The following HTRA3 variants were observed in gnomAD, a reference collection of about 807,000 sequenced individuals.
The protein encoded by HTRA3 is serine protease HTRA3.
In HTRA3, 41 loss-of-function variants were observed where a neutral mutation model predicts 43.2. The observed-to-expected ratio is 0.95, with a 90% CI of 0.74 to 1.23. HTRA3 has a LOEUF of 1.23. HTRA3 is among the 50% of genes most tolerant of loss of function. The pLI is 0.00. For missense variants in HTRA3, 628 were observed against 647.1 expected, an observed-to-expected ratio of 0.97 and a Z score of 0.32; for synonymous variants, 295 against 287.9, an observed-to-expected ratio of 1.02 and a Z score of -0.25.
intron 6 of HTRA3, among the ~76,000 whole-genome samples, chr4:8,301,302 TATTG>T (rs1427808100): frequency 2.0e-5 from 3 of 148,674 alleles, no homozygotes; most frequent in African/African-American, 5.2e-5. Flanking sequence ...TCATCTTTAT[TATTG>T]ATTCACACTC....
rs1023183447 is a variant in HTRA3 at position 8,307,010 on chromosome 4, GC to G, written c.*875del. Reference sequence around the variant, plus strand: ...CCAGGGAACGAGTGTGTCTCAAGGGGCATTTGTGAGCTTTGCTGTAAATGGA... The same window carrying G: ...CCAGGGAACGAGTGTGTCTCAAGGGGATTTGTGAGCTTTGCTGTAAATGGA... On this transcript the variant is annotated 3_prime_UTR_variant, in exon 9 of 9. Coordinates refer to ENST00000307358, the MANE Select transcript of HTRA3 (RefSeq NM_053044.5). This position sits in a 1 kb window ranked among gnomAD's most constrained non-coding sequence, Gnocchi z 6.1. 5 of 152,838 alleles carry G rather than the reference GC, an allele frequency of 3.3e-5. No homozygotes were observed. The highest frequency in any genetic ancestry group is 1.2e-4 in the African/African-American group (5 of 41,574). The allele number at this position is 152,838 out of a possible 1,614,324, so 9.5% of individuals were successfully genotyped here.
At chr4:8,281,135 G>A (rs1160369656) in intron 1 of HTRA3, among the ~76,000 whole-genome samples, 1 of 152,222 alleles carries the variant, frequency 6.6e-6, no homozygotes, top group Non-Finnish European at 1.5e-5. Context: ...GAATTGGGAT[G>A]TGCCTGGGGA....
chr4:8,280,956 G>A (rs1475258630), intron 1 of HTRA3, among the ~76,000 whole-genome samples: 1 of 152,184 alleles, frequency 6.6e-6, no homozygotes, highest in African/African-American at 2.4e-5. Context: ...GGCAGAGGTG[G>A]GGGCACCCAG....
intron 1 of HTRA3, among the ~76,000 whole-genome samples, chr4:8,275,262 C>T (rs1712471975): frequency 6.6e-6 from 1 of 152,196 alleles, no homozygotes; most frequent in South Asian, 2.1e-4. Context: ...GTGGTCTTCC[C>T]CCGACAGGCC....
intron 8 of HTRA3, among the ~76,000 whole-genome samples, chr4:8,305,161 T>C (rs1560144816): frequency 6.6e-6 from 1 of 152,176 alleles, no homozygotes; most frequent in East Asian, 1.9e-4. Context: ...CACATATAAG[T>C]GGACCCACAC....
At chr4:8,284,974 C>G (rs1307249813) in intron 2 of HTRA3, among the ~76,000 whole-genome samples, 1 of 152,142 alleles carries the variant, frequency 6.6e-6, no homozygotes, top group Non-Finnish European at 1.5e-5. Context: ...TGTCAAGGTC[C>G]TAATCAAGCA....
intron 3 of HTRA3, among the ~76,000 whole-genome samples, chr4:8,290,476 G>A (rs796683349): frequency 6.6e-6 from 1 of 152,314 alleles, no homozygotes; most frequent in African/African-American, 2.4e-5. Context: ...GCAGATCCAC[G>A]GGAAGCTACA....
At chr4:8,272,863 G>A (rs976218103) in intron 1 of HTRA3, among the ~76,000 whole-genome samples, 6 of 152,232 alleles carry the variant, frequency 3.9e-5, no homozygotes, top group African/African-American at 1.4e-4. Context: ...GTGGGAGGCT[G>A]CTGGCCATCT....
rs553439700 is a variant in HTRA3 at position 8,280,708 on chromosome 4, GT to G, written c.386-1726del. Among the ~76,000 whole-genome samples, 196 of 150,648 alleles carry G rather than the reference GT, an allele frequency of 1.3e-3. 1 individual carries two copies. Among genetic ancestry groups the G allele is most frequent in the African/African-American group, 4.7e-3 (191 of 41,036 alleles). ...CCTGAGACCCCGCTCTGCCGCAGTG[GT>G]TTGATCTATGAGGAGCCTCGCGGTG... On this transcript the variant is annotated intron_variant, in intron 1 of 8. Transcript: ENST00000307358.
chr4:8,292,058 C>T (rs756350394), intron 4 of HTRA3, among the ~76,000 whole-genome samples: 2 of 152,134 alleles, frequency 1.3e-5, no homozygotes, highest in Admixed American at 6.5e-5. Flanking sequence ...ATGCACCAGG[C>T]GGTGCTGCCT....
At chr4:8,280,646 C>A (rs2153004484) in intron 1 of HTRA3, among the ~76,000 whole-genome samples, 1 of 152,274 alleles carries the variant, frequency 6.6e-6, no homozygotes, top group African/African-American at 2.4e-5. Flanking sequence ...CCACAGCAGG[C>A]CCTGCCCCTG....
At position 8,293,317 on chromosome 4, in the gene HTRA3, G is replaced by T. The variant is rs1560140689; in HGVS notation, c.937-770G>T. 2.0e-5 allele frequency among the ~76,000 whole-genome samples: 3 copies of T among 152,202 alleles called. 1 individual carries two copies. On this transcript the variant is annotated intron_variant, in intron 5 of 8. Coordinates refer to ENST00000307358, the MANE Select transcript of HTRA3 (RefSeq NM_053044.5). Reference sequence around the variant, plus strand: ...CCGCATGGTCCAGGCAGTAGAGATGGGCACAGAGGGCCGAGGGTGGACACA... The same window carrying T: ...CCGCATGGTCCAGGCAGTAGAGATGTGCACAGAGGGCCGAGGGTGGACACA...
chr4:8,270,437 C>T, intron 1 of HTRA3, 84 bp downstream of exon 1: 2 of 1,332,810 alleles, frequency 1.5e-6, no homozygotes, highest in African/African-American at 3.1e-5. Context: ...AGCTCGAGGT[C>T]GCCCTTCCCT....
rs777674430 is a variant in HTRA3, at chr4:8,292,350, C to G, written c.933C>G (p.Asn311Lys). 6.2e-7 allele frequency: 1 copy of G among 1,612,950 alleles called. No individual in the cohort carries two copies. Among genetic ancestry groups the G allele is most frequent in the Non-Finnish European group, 8.5e-7 (1 of 1,179,416 alleles). Residue 311 changes from asparagine to lysine, a missense_variant, in exon 5 of 9, where the codon AAC becomes AAG. Physicochemically the swap from Asn to Lys is moderately conservative, Grantham distance 94 (BLOSUM62 0). Transcript: ENST00000307358. ...NYGNSGGPLV[N>K]LDGEVIGINT... is the part of the protein sequence containing the mutation. The stretch of plus-strand genomic sequence containing the variant: ...GGAACTCCGGGGGACCACTGGTGAA[C>G]CTGGTAAGTGTCCCCTAGAGCCAAA...
chr4:8,300,416 G>C (rs540436034), intron 6 of HTRA3, among the ~76,000 whole-genome samples: 11 of 152,214 alleles, frequency 7.2e-5, no homozygotes, highest in African/African-American at 1.9e-4. Flanking sequence ...TTCTTTAATA[G>C]ATGTAGTGCT....
At chr4:8,303,172 C>T (rs75073368) in intron 7 of HTRA3, among the ~76,000 whole-genome samples, 1,758 of 152,310 alleles carry the variant, frequency 0.012, 29 homozygotes, top group African/African-American at 0.041. Context: ...TCTGCATTCC[C>T]AGGACACTCA....
Position 8,295,634 on chromosome 4 carries a change from C to T in HTRA3, c.1051+1433C>T. On this transcript the variant is annotated intron_variant, in intron 6 of 8. Coordinates refer to ENST00000307358, the MANE Select transcript of HTRA3 (RefSeq NM_053044.5). This position sits in a 1 kb window ranked among gnomAD's most constrained non-coding sequence, Gnocchi z 6.9. Reference sequence around the variant, plus strand: ...TGTGTCTCCTGTGCCCACCTCCTGGCCAACGCCCAGGCCTGACTCAGCAAC... The same window carrying T: ...TGTGTCTCCTGTGCCCACCTCCTGGTCAACGCCCAGGCCTGACTCAGCAAC... The T allele has an allele frequency of 7.8e-7, 1 of 1,280,538 alleles. No individual in the cohort carries two copies. Among genetic ancestry groups the T allele is most frequent in the Non-Finnish European group, 1.0e-6 (1 of 992,278 alleles). 79.3% of individuals were successfully genotyped at this position (1,280,538 alleles called of 1,614,324 possible).
intron 1 of HTRA3, among the ~76,000 whole-genome samples, chr4:8,278,383 T>G (rs1484101193): frequency 1.4e-5 from 2 of 139,364 alleles, no homozygotes; most frequent in African/African-American, 5.2e-5. Context: ...GATTCCAGTT[T>G]ATTGAGGAAA....
At position 8,304,211 on chromosome 4, in the gene HTRA3, C is replaced by G. The variant is rs766898877; in HGVS notation, c.1128C>G (p.Asn376Lys). The change falls in exon 8 of 9, where the codon AAC (asparagine) becomes AAG (lysine). Residue 376 changes from asparagine (N) to lysine (K), a missense_variant. Asn to Lys is a moderately conservative substitution (Grantham distance 94, BLOSUM62 0). Coordinates refer to ENST00000307358, the MANE Select transcript of HTRA3 (RefSeq NM_053044.5). ...PSLVDELKAS[N>K]PDFPEVSSGI... ...TGGTGGATGAGCTGAAGGCCAGCAA[C>G]CCGGACTTCCCAGAGGTCAGCAGTG... 1 of 1,614,170 alleles carries G rather than the reference C, an allele frequency of 6.2e-7. No individual in the cohort carries two copies. The highest frequency in any genetic ancestry group is 2.2e-5 in the East Asian group (1 of 44,890).
Sources: gnomAD v4.1 joint callset for allele counts (sites outside exome capture counted in the v4.1 genomes callset) on GRCh38, gnomAD v4.1.1 for gene constraint, Gnocchi (gnomAD v3.1) non-coding constraint, MANE v1.5 for transcripts, NCBI Gene and HGNC (gene_info 2026-07-23, HGNC 2026-07-21) for gene names.